The following ZNF644 variants were observed in gnomAD, a reference collection of about 807,000 sequenced individuals.
The protein encoded by ZNF644 is zinc finger protein 644.
ZNF644 carries 20 observed loss-of-function variants against 108.0 expected under a neutral mutation model. That is an observed-to-expected ratio of 0.19 (90% CI 0.13 to 0.27). The LOEUF is 0.27. Ranked by LOEUF, ZNF644 falls within the 10% of genes least tolerant of loss-of-function variation. ZNF644 has a pLI of 1.00. For missense variants in ZNF644, 1,338 were observed against 1,548.9 expected (o/e 0.86, Z 2.29); for synonymous variants, 542 against 539.1 (o/e 1.01, Z -0.08).
chr1:90,917,072 A>G (rs1648853852), intron 5 of ZNF644, 82 bp from the exon 6 acceptor site: 4 of 1,393,594 alleles, frequency 2.9e-6, no homozygotes, highest in Middle Eastern at 1.9e-4. Context: ...AAACATAAGG[A>G]ATAAACTTTA....
rs894261970 is a variant in ZNF644 at position 90,916,593 on chromosome 1, C to G, written c.*205G>C. On this transcript the variant is annotated 3_prime_UTR_variant, in exon 6 of 6. Coordinates refer to ENST00000337393, the MANE Select transcript of ZNF644 (RefSeq NM_201269.3). The stretch of plus-strand genomic sequence containing the variant: ...AGTTAACCAACAAAACTTCATAAAC[C>G]TTAAAAACACATCTTCCACCCTATA... The G allele has an allele frequency of 2.2e-4, 131 of 595,574 alleles. No homozygotes were observed. Among genetic ancestry groups the G allele is most frequent in the African/African-American group, 1.7e-3 (93 of 53,812 alleles). The allele number at this position is 595,574 out of a possible 1,614,324, so 36.9% of individuals were successfully genotyped here. A position where few individuals can be genotyped will look rare whatever the true frequency, so the allele number is the denominator to read the frequency against.
chr1:90,982,259 G>A (rs757075173), intron 2 of ZNF644, 51 bp downstream of exon 2: 1 of 1,442,464 alleles, frequency 6.9e-7, no homozygotes, highest in Non-Finnish European at 9.7e-7. Flanking sequence ...TAATTTTTTT[G>A]TATTATTCCT....
chr1:90,997,721 G>T (rs940463734), intron 1 of ZNF644, among the ~76,000 whole-genome samples: 3 of 152,190 alleles, frequency 2.0e-5, no homozygotes, highest in African/African-American at 2.4e-5. Flanking sequence ...AGCCCACCAA[G>T]CATGAGCCGA....
intron 2 of ZNF644, among the ~76,000 whole-genome samples, chr1:90,949,724 T>G (rs974783670): frequency 6.6e-6 from 1 of 152,196 alleles, no homozygotes; most frequent in African/African-American, 2.4e-5. Context: ...TATGGGAGGA[T>G]GTGTACAGAT....
intron 1 of ZNF644, among the ~76,000 whole-genome samples, chr1:90,991,038 T>C (rs1445403816): frequency 6.6e-6 from 1 of 152,212 alleles, no homozygotes; most frequent in East Asian, 1.9e-4. Context: ...TTTAAATATG[T>C]GTACTTTATT....
At chr1:90,927,410 T>C (rs1650170494) in intron 4 of ZNF644, among the ~76,000 whole-genome samples, 1 of 152,124 alleles carries the variant, frequency 6.6e-6, no homozygotes, top group Non-Finnish European at 1.5e-5. Context: ...GCTGGAATAA[T>C]AAAACAATTA....
intron 2 of ZNF644, among the ~76,000 whole-genome samples, chr1:90,966,723 A>C: frequency 7.4e-6 from 1 of 134,494 alleles, no homozygotes; most frequent in African/African-American, 2.8e-5. Context: ...GCACTCCAGT[A>C]TGGGTGACAG....
At chr1:91,021,634 G>GCTCCCC (rs768730667) in intron 1 of ZNF644, 1 of 84,570 alleles carries the variant, frequency 1.2e-5, no homozygotes, top group Admixed American at 1.2e-4. Flanking sequence ...GCAGCGGAAA[G>GCTCCCC]CCCCCCCCCC....
chr1:90,934,009 T>C (rs1184421637), intron 4 of ZNF644, among the ~76,000 whole-genome samples: 1 of 152,220 alleles, frequency 6.6e-6, no homozygotes, highest in Non-Finnish European at 1.5e-5. Context: ...ATAGTAAATG[T>C]TCAATAAAAG....
At chr1:90,989,171 C>CA (rs1657397047) in intron 1 of ZNF644, among the ~76,000 whole-genome samples, 1 of 151,772 alleles carries the variant, frequency 6.6e-6, no homozygotes. Context: ...AACTTGACAA[C>CA]AAAAAAAGAA....
intron 2 of ZNF644, among the ~76,000 whole-genome samples, chr1:90,976,974 A>G (rs1340965713): frequency 6.6e-6 from 1 of 152,162 alleles, no homozygotes; most frequent in African/African-American, 2.4e-5. Flanking sequence ...CAGAAACATT[A>G]AGGATTTTCT....
In ZNF644 at chr1:90,932,131, T is replaced by A. The variant is rs1022328221; in HGVS notation, c.3688+5354A>T. 2.0e-5 allele frequency among the ~76,000 whole-genome samples: 3 copies of A among 152,292 alleles called. No homozygotes were observed. In the East Asian group the frequency reaches 5.8e-4, roughly 29 times the overall value. On this transcript the variant is annotated intron_variant, in intron 4 of 5. Coordinates refer to ENST00000337393, the MANE Select transcript of ZNF644 (RefSeq NM_201269.3). The stretch of plus-strand genomic sequence containing the variant: ...GGAAGAAGAGGGATATCCTTTTCAG[T>A]GTATTCAGGATACTTGAAGAGATTA...
At chr1:91,010,708 C>T (rs1458251876) in intron 1 of ZNF644, among the ~76,000 whole-genome samples, 1 of 152,128 alleles carries the variant, frequency 6.6e-6, no homozygotes, top group Admixed American at 6.6e-5. Context: ...AAGTACTCTT[C>T]AAGCTATATC....
Position 90,938,524 on chromosome 1 carries a change from C to T in ZNF644, c.2830G>A (p.Ala944Thr). Residue 944 changes from alanine to threonine, a missense_variant, in exon 3 of 6, where the codon GCT (alanine) becomes ACT (threonine). Around this residue, in one of 6 missense-constraint regions of ZNF644, gnomAD observed 462 missense variants for 472.6 expected, o/e 0.98. Transcript: ENST00000337393. The surrounding 1 kb of genome is among the most constrained non-coding windows in gnomAD (Gnocchi z 4.2). ...HDPQHLETADASLSKHSSVFH... is the reference protein window; with the variant it reads ...HDPQHLETADTSLSKHSSVFH... The stretch of plus-strand genomic sequence containing the variant: ...ACAGAACTATGCTTTGACAATGAAG[C>T]ATCTGCAGTTTCTAAATGCTGAGGA... The T allele has an allele frequency of 6.2e-7, 1 of 1,613,962 alleles. No individual in the cohort carries two copies. Among genetic ancestry groups the T allele is most frequent in the Admixed American group, 1.7e-5 (1 of 59,996 alleles).
At chr1:90,966,040 C>T (rs536574955) in intron 2 of ZNF644, among the ~76,000 whole-genome samples, 79 of 152,228 alleles carry the variant, frequency 5.2e-4, no homozygotes, top group African/African-American at 1.6e-3. Context: ...CATGAGCCAC[C>T]GCGCCTGGCC....
intron 1 of ZNF644, among the ~76,000 whole-genome samples, chr1:91,019,143 G>A (rs165159): frequency 5.7e-4 from 86 of 152,210 alleles, no homozygotes; most frequent in Middle Eastern, 3.4e-3. Flanking sequence ...TCACTATAGG[G>A]TTCCACCATA....
intron 1 of ZNF644, among the ~76,000 whole-genome samples, chr1:90,984,670 G>C (rs1656913305): frequency 6.6e-6 from 1 of 152,214 alleles, no homozygotes; most frequent in African/African-American, 2.4e-5. Flanking sequence ...TGGGATTACA[G>C]GCGTGAGCCA....
At chr1:90,995,189 G>T (rs544328789) in intron 1 of ZNF644, among the ~76,000 whole-genome samples, 2 of 151,864 alleles carry the variant, frequency 1.3e-5, no homozygotes, top group South Asian at 4.2e-4. Context: ...AAGAAATTAT[G>T]TTCAAACAAT....
chr1:90,963,703 T>C (rs1281226514), intron 2 of ZNF644, among the ~76,000 whole-genome samples: 2 of 152,092 alleles, frequency 1.3e-5, no homozygotes, highest in African/African-American at 2.4e-5. Context: ...TCTGAAAAAT[T>C]TCAGAAACAA....
Sources: allele counts gnomAD v4.1 joint callset (sites outside exome capture counted in the v4.1 genomes callset), GRCh38; gene constraint gnomAD v4.1.1; regional missense constraint gnomAD v4.1.1; non-coding constraint Gnocchi (gnomAD v3.1); transcripts MANE v1.5; gene names NCBI Gene and HGNC (gene_info 2026-07-23, HGNC 2026-07-21).